The following GALNT13 variants were observed in gnomAD, a reference collection of about 807,000 sequenced individuals.
The protein encoded by GALNT13 is UDP-GalNAc:polypeptide N-acetylgalactosaminyltransferase 13.
A neutral mutation model predicts 64.2 loss-of-function variants in GALNT13; 28 were observed. The ratio of observed to expected loss-of-function variants is 0.44; its 90% confidence interval spans 0.32 to 0.60. The LOEUF is 0.60. Among genes scored for constraint, GALNT13 ranks in the 20% least tolerant of loss-of-function variants. The pLI, the probability that GALNT13 is intolerant of heterozygous loss-of-function variation, is 0.05. For missense variants in GALNT13, 577 were observed against 669.8 expected (o/e 0.86, Z 1.53); for synonymous variants, 214 against 224.6 (o/e 0.95, Z 0.42).
intron 7 of GALNT13, among the ~76,000 whole-genome samples, chr2:154,247,956 T>G (rs899259007): frequency 6.6e-6 from 1 of 152,122 alleles, no homozygotes; most frequent in African/African-American, 2.4e-5. Flanking sequence ...TTCCTTCTAC[T>G]TGTAATCTAT....
chr2:153,076,982 T>C, the GALNT13 span, among the ~76,000 whole-genome samples: 1 of 151,994 alleles, frequency 6.6e-6, no homozygotes, highest in East Asian at 1.9e-4. Flanking sequence ...GACAGAGTCT[T>C]GCTCTTTTGC....
At chr2:153,517,624 C>G in the GALNT13 span, among the ~76,000 whole-genome samples, 2 of 152,046 alleles carry the variant, frequency 1.3e-5, no homozygotes, top group Non-Finnish European at 2.9e-5. Context: ...GTCCTTACTA[C>G]TATAAATGAA....
the GALNT13 span, among the ~76,000 whole-genome samples, chr2:153,516,326 T>C: frequency 4.6e-5 from 7 of 152,156 alleles, no homozygotes; most frequent in African/African-American, 1.7e-4. Flanking sequence ...CGAATTATCT[T>C]ACTGGATGAT....
the GALNT13 span, among the ~76,000 whole-genome samples, chr2:153,658,503 G>A: frequency 6.6e-6 from 1 of 152,044 alleles, no homozygotes; most frequent in Non-Finnish European, 1.5e-5. Context: ...CTTGGCCTTA[G>A]CATTAATTTA....
the GALNT13 span, among the ~76,000 whole-genome samples, chr2:153,277,108 T>C: frequency 1.3e-5 from 2 of 152,168 alleles, no homozygotes; most frequent in East Asian, 3.9e-4. Context: ...GGTATATGGG[T>C]ATATTGTGCG....
chr2:153,787,327 A>T, the GALNT13 span, among the ~76,000 whole-genome samples: 1 of 152,182 alleles, frequency 6.6e-6, no homozygotes, highest in Non-Finnish European at 1.5e-5. Flanking sequence ...CAAAGCTTCA[A>T]CACCAAAACT....
At chr2:153,216,037 T>C in the GALNT13 span, among the ~76,000 whole-genome samples, 1 of 151,980 alleles carries the variant, frequency 6.6e-6, no homozygotes. Context: ...TCTATCCATC[T>C]AGTTCTGTCT....
intron 8 of GALNT13, among the ~76,000 whole-genome samples, chr2:154,299,772 T>C (rs898502293): frequency 4.0e-5 from 6 of 151,876 alleles, no homozygotes; most frequent in African/African-American, 9.7e-5. Context: ...CTGAAATACG[T>C]TGATTATTTA....
the GALNT13 span, among the ~76,000 whole-genome samples, chr2:153,610,861 G>A: frequency 6.6e-6 from 1 of 151,924 alleles, no homozygotes; most frequent in African/African-American, 2.4e-5. Flanking sequence ...GATTGCCAAG[G>A]CAAATTGTTT....
chr2:153,868,569 G>T (rs1419826057), upstream of GALNT13, among the ~76,000 whole-genome samples: 1 of 152,020 alleles, frequency 6.6e-6, no homozygotes, highest in Non-Finnish European at 1.5e-5. Context: ...CTAATAATTT[G>T]CCAAAACCTG....
the GALNT13 span, among the ~76,000 whole-genome samples, chr2:153,400,249 C>G: frequency 6.6e-5 from 10 of 151,844 alleles, no homozygotes; most frequent in Non-Finnish European, 1.2e-4. Flanking sequence ...GTATATTGAA[C>G]CAGCCTTGCA....
chr2:153,870,247 C>T (rs1047917943), upstream of GALNT13, among the ~76,000 whole-genome samples: 1 of 152,050 alleles, frequency 6.6e-6, no homozygotes, highest in Admixed American at 6.5e-5. Context: ...ATCCAATTAC[C>T]CAAATAAATT....
At chr2:153,292,140 A>C in the GALNT13 span, among the ~76,000 whole-genome samples, 4 of 152,162 alleles carry the variant, frequency 2.6e-5, 1 homozygote, top group Admixed American at 2.6e-4. Context: ...TATGTCGCTC[A>C]AATGAGTAGT....
At chr2:154,146,070 T>C (rs1683573234) in intron 4 of GALNT13, among the ~76,000 whole-genome samples, 1 of 151,810 alleles carries the variant, frequency 6.6e-6, no homozygotes, top group Non-Finnish European at 1.5e-5. Context: ...AATTTCACTA[T>C]CCAAATTAAA....
At chr2:154,344,294 G>A (rs1212622773) in intron 9 of GALNT13, among the ~76,000 whole-genome samples, 1 of 103,886 alleles carries the variant, frequency 9.6e-6, no homozygotes, top group African/African-American at 2.8e-5. Context: ...GCCTGACAAA[G>A]ACTTCCAGCA....
chr2:153,885,382 G>A (rs898559006), intron 1 of GALNT13, among the ~76,000 whole-genome samples: 1 of 151,784 alleles, frequency 6.6e-6, no homozygotes, highest in Non-Finnish European at 1.5e-5. Context: ...TTTTATGAAT[G>A]TGTGTAACCA....
At chr2:154,052,065 C>T (rs1041164492) in intron 3 of GALNT13, among the ~76,000 whole-genome samples, 4 of 152,058 alleles carry the variant, frequency 2.6e-5, no homozygotes, top group African/African-American at 7.2e-5. Context: ...TCCCCAAATT[C>T]AACCTGACTG....
chr2:153,329,907 G>T, the GALNT13 span, among the ~76,000 whole-genome samples: 1 of 152,150 alleles, frequency 6.6e-6, no homozygotes, highest in Non-Finnish European at 1.5e-5. Context: ...CTTACAGTTT[G>T]AGGTCTTACG....
At chr2:153,111,794 G>T in the GALNT13 span, among the ~76,000 whole-genome samples, 2 of 151,914 alleles carry the variant, frequency 1.3e-5, no homozygotes, top group African/African-American at 4.8e-5. Context: ...GTCCCTCCTT[G>T]TCTTCCCTCC....
Sources: gnomAD v4.1 joint callset for allele counts (sites outside exome capture counted in the v4.1 genomes callset) on GRCh38, gnomAD v4.1.1 for gene constraint, MANE v1.5 for transcripts, NCBI Gene and HGNC (gene_info 2026-07-23, HGNC 2026-07-21) for gene names.